Variants in XKR9 observed in about 807,000 individuals in gnomAD.
XKR9 encodes XK-related protein 9.
A neutral mutation model predicts 32.0 loss-of-function variants in XKR9; 32 were observed. The observed-to-expected ratio is 1.00, with a 90% CI of 0.76 to 1.34. XKR9 has a LOEUF of 1.34. XKR9 is among the 40% of genes most tolerant of loss of function. The probability of loss-of-function intolerance (pLI) is 0.00; values close to 1 mark genes in which losing one functional copy is unlikely to be tolerated. For missense variants in XKR9, 546 were observed against 429.7 expected (o/e 1.27, Z -2.39); for synonymous variants, 168 against 143.4 (o/e 1.17, Z -1.22).
At position 70,774,256 on chromosome 8, in the gene XKR9, C is replaced by T. The variant is rs563986104; in HGVS notation, n.353-15083C>T. On this transcript the variant is annotated intron_variant and non_coding_transcript_variant, in intron 2 of 3. Transcript: ENST00000520273. ...ATTATGTGCTATCTCTTAAAGCTTC[C>T]ACCCTGAAGTGATATAATTCATTCA... Among the ~76,000 whole-genome samples, 158 of 152,252 alleles carry T rather than the reference C, an allele frequency of 1.0e-3. 1 individual carries two copies. Among genetic ancestry groups the T allele is most frequent in the Middle Eastern group, 6.8e-3 (2 of 294 alleles).
At chr8:70,755,118 CA>C (rs1807201046) in intron 2 of XKR9, among the ~76,000 whole-genome samples, 1 of 152,148 alleles carries the variant, frequency 6.6e-6, no homozygotes, top group Non-Finnish European at 1.5e-5. Flanking sequence ...AGACACTTCT[CA>C]AAAGAAGACA....
At chr8:70,960,080 A>G in the XKR9 span, among the ~76,000 whole-genome samples, 2 of 152,126 alleles carry the variant, frequency 1.3e-5, no homozygotes, top group Non-Finnish European at 2.9e-5. Flanking sequence ...AAATACAAAA[A>G]TTAGTATTTT....
chr8:70,687,358 C>CTTTCTT (rs1223132282), intron 3 of XKR9, among the ~76,000 whole-genome samples: 3 of 143,544 alleles, frequency 2.1e-5, no homozygotes, highest in Admixed American at 1.4e-4. Flanking sequence ...TTCTTTCTTT[C>CTTTCTT]TCTCTTTCCT....
At chr8:70,990,767 GAA>G in the XKR9 span, among the ~76,000 whole-genome samples, 140 of 148,052 alleles carry the variant, frequency 9.5e-4, no homozygotes, top group Middle Eastern at 3.4e-3. Flanking sequence ...GAGAGAGAGA[GAA>G]AGAGAGAGAG....
At chr8:70,884,860 G>A in the XKR9 span, among the ~76,000 whole-genome samples, 1 of 152,080 alleles carries the variant, frequency 6.6e-6, no homozygotes, top group African/African-American at 2.4e-5. Context: ...AGCTATTCTA[G>A]TACTTTTGCC....
At chr8:70,726,180 G>A (rs1806462962) in intron 4 of XKR9, among the ~76,000 whole-genome samples, 1 of 152,160 alleles carries the variant, frequency 6.6e-6, no homozygotes, top group Admixed American at 6.5e-5. Flanking sequence ...TTGGAAGAAT[G>A]GTGAAATCAT....
chr8:70,958,728 G>A, the XKR9 span, among the ~76,000 whole-genome samples: 1 of 151,928 alleles, frequency 6.6e-6, no homozygotes, highest in Non-Finnish European at 1.5e-5. Flanking sequence ...TTTTGCTTTT[G>A]TTGCAATTGC....
intron 2 of XKR9, among the ~76,000 whole-genome samples, 191 bp downstream of exon 2, chr8:70,675,090 AT>A (rs1818839289): frequency 6.6e-6 from 1 of 152,206 alleles, no homozygotes; most frequent in Non-Finnish European, 1.5e-5. Context: ...GTGTTAAGCC[AT>A]TCTTGCATTG....
intron 3 of XKR9, among the ~76,000 whole-genome samples, chr8:70,689,305 T>C (rs1299549415): frequency 6.6e-6 from 1 of 151,840 alleles, no homozygotes; most frequent in Non-Finnish European, 1.5e-5. Flanking sequence ...GAGATATTAT[T>C]TCTCATTTAC....
At chr8:70,967,843 C>T in the XKR9 span, among the ~76,000 whole-genome samples, 1 of 151,982 alleles carries the variant, frequency 6.6e-6, no homozygotes. Flanking sequence ...GGTGATCCAG[C>T]CTTTCTCTCT....
At chr8:71,012,672 T>C in the XKR9 span, among the ~76,000 whole-genome samples, 1 of 152,148 alleles carries the variant, frequency 6.6e-6, no homozygotes, top group African/African-American at 2.4e-5. Flanking sequence ...TCATAGGTGG[T>C]TTTTTTCTCA....
intron 2 of XKR9, among the ~76,000 whole-genome samples, chr8:70,781,186 C>G (rs1265788758): frequency 6.6e-6 from 1 of 152,074 alleles, no homozygotes; most frequent in Non-Finnish European, 1.5e-5. Context: ...TATTCAGCAT[C>G]TTTTCATGTG....
chr8:70,716,209 C>G (rs375493973), intron 4 of XKR9, among the ~76,000 whole-genome samples: 1 of 151,766 alleles, frequency 6.6e-6, no homozygotes, highest in African/African-American at 2.4e-5. Flanking sequence ...GAAAACTAAC[C>G]AAGTGAGGAA....
the XKR9 span, among the ~76,000 whole-genome samples, chr8:70,925,869 A>T: frequency 1.3e-5 from 2 of 152,206 alleles, no homozygotes; most frequent in African/African-American, 4.8e-5. Flanking sequence ...TATAACAAAA[A>T]GTATCTAGTA....
the XKR9 span, among the ~76,000 whole-genome samples, chr8:70,975,004 T>A: frequency 6.6e-6 from 1 of 152,242 alleles, no homozygotes; most frequent in African/African-American, 2.4e-5. Flanking sequence ...GATAAGCATT[T>A]TTTCCTGTGT....
At chr8:71,049,620 G>A in the XKR9 span, among the ~76,000 whole-genome samples, 2 of 152,172 alleles carry the variant, frequency 1.3e-5, no homozygotes, top group African/African-American at 4.8e-5. Flanking sequence ...TGTGAGAATG[G>A]GGGAGAAGCT....
At chr8:70,728,981 A>G (rs1806572268) in intron 4 of XKR9, among the ~76,000 whole-genome samples, 1 of 152,202 alleles carries the variant, frequency 6.6e-6, no homozygotes, top group Non-Finnish European at 1.5e-5. Flanking sequence ...GGCCTGTTAG[A>G]AAGTGACATT....
the XKR9 span, among the ~76,000 whole-genome samples, chr8:71,031,543 A>T: frequency 6.6e-6 from 1 of 152,228 alleles, no homozygotes; most frequent in Admixed American, 6.5e-5. Flanking sequence ...TGTTATGAGA[A>T]CTAAATGAGG....
chr8:70,889,297 G>T, the XKR9 span, among the ~76,000 whole-genome samples: 5 of 151,680 alleles, frequency 3.3e-5, no homozygotes, highest in African/African-American at 1.2e-4. Flanking sequence ...TTCATATGGT[G>T]ATTTAGTGCC....
Sources: gnomAD v4.1 joint callset for allele counts (sites outside exome capture counted in the v4.1 genomes callset) on GRCh38, gnomAD v4.1.1 for gene constraint, MANE v1.5 for transcripts, NCBI Gene and HGNC (gene_info 2026-07-23, HGNC 2026-07-21) for gene names.